The following GPHN variants were observed in gnomAD, a reference collection of about 807,000 sequenced individuals.
The protein encoded by GPHN is gephyrin.
A neutral mutation model predicts 95.5 loss-of-function variants in GPHN; 17 were observed. The observed-to-expected ratio is 0.18, with a 90% CI of 0.12 to 0.27. The LOEUF (loss-of-function observed/expected upper bound fraction) is 0.27. GPHN is among the 10% of genes least tolerant of loss of function. The probability of loss-of-function intolerance (pLI) is 1.00; values close to 1 mark genes in which losing one functional copy is unlikely to be tolerated. For synonymous variants in GPHN, 320 were observed against 322.5 expected, an observed-to-expected ratio of 0.99 and a Z score of 0.08; for missense variants, 660 against 978.1, an observed-to-expected ratio of 0.67 and a Z score of 4.34.
At chr14:66,608,870 G>A (rs1356822878) in intron 1 of GPHN, among the ~76,000 whole-genome samples, 3 of 151,962 alleles carry the variant, frequency 2.0e-5, no homozygotes, top group Non-Finnish European at 2.9e-5. Flanking sequence ...TGAGGCTTTC[G>A]GTATTGTTAC....
intron 1 of GPHN, among the ~76,000 whole-genome samples, chr14:66,539,616 G>C (rs1306401001): frequency 1.3e-5 from 1 of 76,156 alleles, no homozygotes; most frequent in East Asian, 6.9e-4. Context: ...TGTTGGTCAG[G>C]CTTCGTGTTG....
chr14:67,023,507 A>G, intron 9 of GPHN, 126 bp from the exon 10 acceptor site: 2 of 686,396 alleles, frequency 2.9e-6, no homozygotes, highest in African/African-American at 1.8e-5. Context: ...CTAACATGTT[A>G]TGACATCTGA....
the GPHN span, among the ~76,000 whole-genome samples, chr14:67,655,090 A>C: frequency 6.7e-6 from 1 of 149,086 alleles, no homozygotes; most frequent in Admixed American, 6.8e-5. Flanking sequence ...CTGTAATCCT[A>C]GCGCTTTGGG....
chr14:66,675,143 C>T (rs1301296209), intron 1 of GPHN, among the ~76,000 whole-genome samples: 1 of 131,406 alleles, frequency 7.6e-6, no homozygotes, highest in Non-Finnish European at 1.5e-5. Flanking sequence ...GATTCTTTTT[C>T]CAGTTTTTTT....
intron 16 of GPHN, among the ~76,000 whole-genome samples, chr14:67,121,808 A>G (rs1296844677): frequency 6.6e-6 from 1 of 152,214 alleles, no homozygotes; most frequent in East Asian, 1.9e-4. Flanking sequence ...ACTTCAGAAA[A>G]GAGACAAAAA....
intron 3 of GPHN, among the ~76,000 whole-genome samples, chr14:66,793,992 C>T (rs1187447012): frequency 1.3e-5 from 2 of 152,096 alleles, no homozygotes; most frequent in East Asian, 3.8e-4. Context: ...CATTGTCAGA[C>T]TGAATGACAA....
chr14:66,748,475 T>G (rs900400679), intron 2 of GPHN, among the ~76,000 whole-genome samples: 2 of 151,942 alleles, frequency 1.3e-5, no homozygotes, highest in African/African-American at 4.8e-5. Context: ...ATTATCAACA[T>G]TCTTTACCAG....
At chr14:67,208,449 G>C in the GPHN span, 2 of 1,611,548 alleles carry the variant, frequency 1.2e-6, no homozygotes, top group Non-Finnish European at 1.7e-6. Context: ...GAAGAATCCA[G>C]GTATGTGAGG....
the GPHN span, chr14:67,359,975 C>A: frequency 3.7e-6 from 2 of 537,994 alleles, 1 homozygote; most frequent in South Asian, 5.0e-5. Context: ...CCAACCCCTC[C>A]CCATCCAGCT....
the GPHN span, among the ~76,000 whole-genome samples, chr14:67,511,939 TG>T: frequency 6.6e-6 from 1 of 152,180 alleles, no homozygotes; most frequent in African/African-American, 2.4e-5. Context: ...TGTGTCGGGG[TG>T]AAAACCACTG....
the GPHN span, among the ~76,000 whole-genome samples, chr14:67,411,360 G>A: frequency 6.6e-6 from 1 of 152,064 alleles, no homozygotes; most frequent in Non-Finnish European, 1.5e-5. Context: ...GGAGCTCTGG[G>A]CAAGCTACTT....
the GPHN span, chr14:67,312,455 C>A: frequency 9.3e-7 from 1 of 1,078,108 alleles, no homozygotes; most frequent in South Asian, 2.6e-5. Flanking sequence ...AAATTTGTAG[C>A]ATTTAAATTG....
intron 10 of GPHN, among the ~76,000 whole-genome samples, chr14:67,037,954 A>G (rs1278599793): frequency 1.3e-5 from 2 of 152,038 alleles, no homozygotes; most frequent in Non-Finnish European, 2.9e-5. Context: ...ACTTCTGGGT[A>G]TATATCCAAA....
At chr14:67,129,766 GAA>G (rs2079567210) in intron 17 of GPHN, among the ~76,000 whole-genome samples, 1 of 122,536 alleles carries the variant, frequency 8.2e-6, no homozygotes, top group Non-Finnish European at 1.6e-5. Flanking sequence ...TAGAAAGAAA[GAA>G]AGAAAGAGAG....
At chr14:67,620,818 G>A in the GPHN span, 1 of 1,466,800 alleles carries the variant, frequency 6.8e-7, no homozygotes, top group Non-Finnish European at 9.5e-7. Context: ...GGAACCTGCT[G>A]GGAACTAAAT....
At chr14:67,275,548 C>T in the GPHN span, among the ~76,000 whole-genome samples, 4 of 152,140 alleles carry the variant, frequency 2.6e-5, no homozygotes, top group African/African-American at 9.6e-5. Flanking sequence ...ATTTTCGCAT[C>T]GACATTCATC....
the GPHN span, among the ~76,000 whole-genome samples, chr14:67,309,192 C>T: frequency 6.6e-6 from 1 of 152,050 alleles, no homozygotes; most frequent in East Asian, 1.9e-4. Flanking sequence ...AGCTTATCTC[C>T]TTCATTTTAA....
chr14:67,703,778 T>C, the GPHN span, among the ~76,000 whole-genome samples: 1 of 152,038 alleles, frequency 6.6e-6, no homozygotes, highest in Non-Finnish European at 1.5e-5. Context: ...TGGTCTCAAG[T>C]GATCCCCCAA....
At chr14:67,542,183 C>A in the GPHN span, among the ~76,000 whole-genome samples, 13,974 of 152,252 alleles carry the variant, frequency 0.092, 721 homozygotes, top group East Asian at 0.14. Context: ...TTGCTTGCGT[C>A]TTTGCTCGCT....
Sources: gnomAD v4.1 joint callset for allele counts (sites outside exome capture counted in the v4.1 genomes callset) on GRCh38, gnomAD v4.1.1 for gene constraint, MANE v1.5 for transcripts, NCBI Gene and HGNC (gene_info 2026-07-23, HGNC 2026-07-21) for gene names.